Variants in MOCOS observed in about 807,000 individuals in gnomAD.
MOCOS encodes the protein human molybdenum cofactor sulfurase.
Under a neutral mutation model 83.6 loss-of-function variants are expected in MOCOS, and 86 were observed. The ratio of observed to expected loss-of-function variants is 1.03; its 90% CI spans 0.86 to 1.23. The LOEUF (loss-of-function observed/expected upper bound fraction) is 1.23. Among genes scored for constraint, MOCOS ranks in the 50% most tolerant of loss-of-function variants. The pLI is 0.00. For synonymous variants in MOCOS, 445 were observed against 434.7 expected (o/e 1.02, Z -0.29); for missense variants, 1,120 against 1,126.9 (o/e 0.99, Z 0.09).
Position 36,203,142 on chromosome 18 carries a change from A to G in MOCOS, c.971A>G (p.Asp324Gly), listed in dbSNP as rs771497672. ...GAAGATGGCACCATCTCATTCCTTG[A>G]TGTTATCGCGCTAAAACATGGATTT... Reference protein sequence around the residue: ...RFEDGTISFLDVIALKHGFDT... With the variant: ...RFEDGTISFLGVIALKHGFDT... The change falls in exon 5 of 15, where the codon GAT (aspartate) becomes GGT (glycine). Residue 324 changes from aspartate (D) to glycine (G), a missense_variant. Physicochemically the swap from Asp to Gly is moderately conservative, Grantham distance 94. Coordinates refer to ENST00000261326, the MANE Select transcript of MOCOS (RefSeq NM_017947.4). The G allele has an allele frequency of 6.2e-7, 1 of 1,614,172 alleles. No homozygotes were observed. The highest frequency in any genetic ancestry group is 1.1e-5 in the South Asian group (1 of 91,080).
At chr18:36,219,489 G>A (rs1409629556) in intron 8 of MOCOS, among the ~76,000 whole-genome samples, 1 of 152,018 alleles carries the variant, frequency 6.6e-6, no homozygotes, top group African/African-American at 2.4e-5. Flanking sequence ...GACCAGCCTG[G>A]CTAACATGGT....
At chr18:36,235,978 GT>G (rs2091557169) in intron 9 of MOCOS, among the ~76,000 whole-genome samples, 1 of 150,516 alleles carries the variant, frequency 6.6e-6, no homozygotes, top group Admixed American at 6.7e-5. Context: ...TGATGGGGTT[GT>G]TTGTTTTTTT....
At chr18:36,261,327 G>A (rs1388316916) in intron 13 of MOCOS, among the ~76,000 whole-genome samples, 1 of 152,068 alleles carries the variant, frequency 6.6e-6, no homozygotes, top group Non-Finnish European at 1.5e-5. Context: ...AATTAGGAAT[G>A]CTCAACTGGT....
intron 4 of MOCOS, 125 bp downstream of exon 4, chr18:36,200,449 G>T: frequency 8.1e-7 from 1 of 1,238,918 alleles, no homozygotes; most frequent in Non-Finnish European, 1.1e-6. Context: ...GTTGCTGGCA[G>T]GGACAGGCTG....
intron 9 of MOCOS, among the ~76,000 whole-genome samples, chr18:36,246,734 T>C (rs1414963949): frequency 6.6e-6 from 1 of 152,234 alleles, no homozygotes; most frequent in Non-Finnish European, 1.5e-5. Flanking sequence ...TGTTTTCTCC[T>C]TCTTTGGAGC....
chr18:36,195,393 G>A, intron 2 of MOCOS, 47 bp downstream of exon 2: 1 of 1,468,620 alleles, frequency 6.8e-7, no homozygotes, highest in Non-Finnish European at 9.5e-7. Flanking sequence ...ACATGCAGCT[G>A]ATATACCTGT....
intron 9 of MOCOS, among the ~76,000 whole-genome samples, chr18:36,231,982 T>C (rs1190679657): frequency 6.6e-6 from 1 of 152,216 alleles, no homozygotes; most frequent in Non-Finnish European, 1.5e-5. Flanking sequence ...TTTTGGTTTT[T>C]TTGAGACACG....
intron 9 of MOCOS, among the ~76,000 whole-genome samples, chr18:36,241,949 G>A (rs865943600): frequency 6.6e-6 from 1 of 152,204 alleles, no homozygotes; most frequent in South Asian, 2.1e-4. Flanking sequence ...GCTACACACA[G>A]CAGTGGGGCC....
intron 9 of MOCOS, among the ~76,000 whole-genome samples, chr18:36,239,741 G>A (rs1171807135): frequency 5.4e-5 from 8 of 148,754 alleles, no homozygotes; most frequent in African/African-American, 2.0e-4. Flanking sequence ...TTCCAACTTG[G>A]TTCCATTCTC....
intron 1 of MOCOS, among the ~76,000 whole-genome samples, chr18:36,193,317 CAAAAAAAAAAAAAAAAAAAAAAAAA>C (rs555145311): frequency 1.6e-4 from 6 of 38,304 alleles, no homozygotes; most frequent in African/African-American, 5.1e-4. Flanking sequence ...GACTCCGTCT[CAAAAAAAAAAAAAAAAAAAAAAAAA>C]AAAAAAAAAA....
chr18:36,251,383 T>C (rs2091621346), intron 11 of MOCOS, 100 bp downstream of exon 11: 2 of 1,489,204 alleles, frequency 1.3e-6, no homozygotes, highest in Admixed American at 1.7e-5. Context: ...GACTTGCTGA[T>C]GTATGGAAAG....
intron 9 of MOCOS, among the ~76,000 whole-genome samples, chr18:36,248,288 A>G (rs1428728035): frequency 1.3e-5 from 2 of 152,178 alleles, no homozygotes; most frequent in African/African-American, 4.8e-5. Flanking sequence ...ATTTAAAAAA[A>G]TTGAATTACT....
At chr18:36,224,044 T>A (rs1209314784) in intron 9 of MOCOS, among the ~76,000 whole-genome samples, 1 of 152,190 alleles carries the variant, frequency 6.6e-6, no homozygotes, top group African/African-American at 2.4e-5. Context: ...TGTGCTATTA[T>A]AAGTGGGATT....
chr18:36,271,836 G>C lies in MOCOS; in HGVS notation c.*3151G>C, dbSNP rs545682467. 12 of 152,314 alleles carry C rather than the reference G, an allele frequency of 7.9e-5. No homozygotes were observed. In the South Asian group the frequency reaches 2.5e-3, roughly 32 times the overall value. 9.4% of individuals were successfully genotyped at this position (152,314 alleles called of 1,614,324 possible). Reference sequence around the variant, plus strand: ...CATCCCCTCCTCAGCCTTGTGGATGGAGAAGAACAGGCAGTGATATACATT... The same window carrying C: ...CATCCCCTCCTCAGCCTTGTGGATGCAGAAGAACAGGCAGTGATATACATT... On this transcript the variant is annotated 3_prime_UTR_variant, in exon 15 of 15. Coordinates refer to ENST00000261326, the MANE Select transcript of MOCOS (RefSeq NM_017947.4).
chr18:36,230,665 C>T (rs897243800), intron 9 of MOCOS, among the ~76,000 whole-genome samples: 10 of 152,170 alleles, frequency 6.6e-5, no homozygotes, highest in African/African-American at 2.2e-4. Context: ...CTCTAGGGAG[C>T]TCTCTTGGAA....
At chr18:36,260,206 T>G in intron 13 of MOCOS, 31 bp downstream of exon 13, 1 of 1,613,908 alleles carries the variant, frequency 6.2e-7, no homozygotes, top group Non-Finnish European at 8.5e-7. Flanking sequence ...TTATCCTTCC[T>G]CCAGGGTTGT....
Position 36,215,876 on chromosome 18 carries a change from A to G in MOCOS, c.1696A>G (p.Thr566Ala). The change falls in exon 8 of 15, where the codon ACT (threonine) becomes GCT (alanine). Residue 566 changes from threonine to alanine, a missense_variant. Transcript: ENST00000261326. ...GTGTGATGTCGCCAGAACCCAGCCG[A>G]CTCCTTCAGAGAAAGCTGCAGGAGT... is the stretch of plus-strand genomic sequence containing the variant. ...PVCDVARTQP[T>A]PSEKAAGVLE... The G allele has an allele frequency of 6.2e-7, 1 of 1,613,834 alleles. No homozygotes were observed. The highest frequency in any genetic ancestry group is 8.5e-7 in the Non-Finnish European group (1 of 1,179,924).
At chr18:36,233,893 G>A (rs2091547975) in intron 9 of MOCOS, among the ~76,000 whole-genome samples, 1 of 123,902 alleles carries the variant, frequency 8.1e-6, no homozygotes, top group Non-Finnish European at 1.7e-5. Flanking sequence ...TTTGGTTTTT[G>A]TTGCTGATTT....
Position 36,265,216 on chromosome 18 carries a change from A to G in MOCOS, c.2410-1533A>G, listed in dbSNP as rs577954322. Among the ~76,000 whole-genome samples the G allele has an allele frequency of 2.6e-5, 4 of 152,372 alleles. No homozygotes were observed. In the East Asian group the frequency reaches 7.7e-4, roughly 29 times the overall value. On this transcript the variant is annotated intron_variant, in intron 13 of 14. Coordinates refer to ENST00000261326, the MANE Select transcript of MOCOS (RefSeq NM_017947.4). ...CTAGTGATAAACCCTGTCTAGAAAT[A>G]CGTGCATACATGCAAGACATGGATC...
Sources: allele counts gnomAD v4.1 joint callset (sites outside exome capture counted in the v4.1 genomes callset), GRCh38; gene constraint gnomAD v4.1.1; transcripts MANE v1.5; gene names NCBI Gene and HGNC (gene_info 2026-07-23, HGNC 2026-07-21).